FBXL17: variants seen among roughly 807,000 people sequenced by gnomAD.
FBXL17 encodes F-box/LRR-repeat protein 17.
In FBXL17, 22 loss-of-function variants were observed where a neutral mutation model predicts 66.2. That is an observed-to-expected ratio of 0.33 (90% confidence interval 0.24 to 0.47). The LOEUF (loss-of-function observed/expected upper bound fraction) is 0.47, where lower values mean the gene tolerates loss of function less well. Ranked by LOEUF, FBXL17 falls within the 20% of genes least tolerant of loss-of-function variation. The probability of loss-of-function intolerance (pLI) is 1.00; values close to 1 mark genes in which losing one functional copy is unlikely to be tolerated. For synonymous variants in FBXL17, 474 were observed against 400.5 expected (o/e 1.18, Z -2.19); for missense variants, 878 against 948.2 (o/e 0.93, Z 0.97).
intron 4 of FBXL17, among the ~76,000 whole-genome samples, chr5:108,264,061 A>G (rs936260182): frequency 6.6e-6 from 1 of 151,868 alleles, no homozygotes; most frequent in Non-Finnish European, 1.5e-5. Context: ...CTAAAAATAC[A>G]AAAATTATCT....
rs138682901 is a variant in FBXL17 at position 107,882,243 on chromosome 5, G to A, written c.1823-1064C>T. On this transcript the variant is annotated intron_variant, in intron 7 of 8. Coordinates refer to ENST00000542267, the MANE Select transcript of FBXL17 (RefSeq NM_001163315.3). ...AAAGGTGAATGATAGTTCCCAAAAT[G>A]TGTTGACTAGATGGATAATTTAGAG... 1.4e-3 allele frequency among the ~76,000 whole-genome samples: 213 copies of A among 152,276 alleles called. 2 individuals are homozygous for A. Among genetic ancestry groups the A allele is most frequent in the African/African-American group, 4.9e-3 (204 of 41,552 alleles).
At chr5:107,974,427 A>G (rs1156862289) in intron 7 of FBXL17, among the ~76,000 whole-genome samples, 1 of 152,172 alleles carries the variant, frequency 6.6e-6, no homozygotes, top group Non-Finnish European at 1.5e-5. Flanking sequence ...CTTAATACTT[A>G]TAAAGACTTT....
intron 7 of FBXL17, among the ~76,000 whole-genome samples, chr5:108,014,770 T>A (rs1181736639): frequency 1.3e-5 from 2 of 152,150 alleles, no homozygotes; most frequent in Non-Finnish European, 2.9e-5. Context: ...ACATACCCCA[T>A]ACTAGGTAAT....
intron 6 of FBXL17, among the ~76,000 whole-genome samples, chr5:108,092,054 A>G (rs1749206478): frequency 6.6e-6 from 1 of 152,152 alleles, no homozygotes; most frequent in Non-Finnish European, 1.5e-5. Context: ...GCTGTCCTGT[A>G]ATCTGCCAGG....
chr5:108,163,558 G>A (rs1420707384), intron 6 of FBXL17, among the ~76,000 whole-genome samples: 4 of 151,990 alleles, frequency 2.6e-5, no homozygotes, highest in South Asian at 2.1e-4. Flanking sequence ...CCGCCACTAC[G>A]TCTGGCTAAT....
intron 4 of FBXL17, among the ~76,000 whole-genome samples, chr5:108,300,233 AT>A (rs1448535808): frequency 2.0e-5 from 3 of 151,992 alleles, no homozygotes; most frequent in African/African-American, 7.2e-5. Context: ...TGATTAAAAA[AT>A]ATAGCATCGA....
chr5:108,308,646 G>A lies in FBXL17; in HGVS notation c.1506+39753C>T, dbSNP rs184849133. Among the ~76,000 whole-genome samples the A allele has an allele frequency of 1.7e-4, 26 of 152,272 alleles. 1 individual carries two copies. In the East Asian group the frequency reaches 5.0e-3, roughly 29 times the overall value. ...GCTTAATTACTAAGAGAATCTGAAT[G>A]AGCACTGTGACACATCAGGTTGCTG... is the stretch of plus-strand genomic sequence containing the variant. On this transcript the variant is annotated intron_variant, in intron 4 of 8. Transcript: ENST00000542267.
At chr5:107,961,453 C>T (rs1751906852) in intron 7 of FBXL17, among the ~76,000 whole-genome samples, 1 of 152,000 alleles carries the variant, frequency 6.6e-6, no homozygotes, top group African/African-American at 2.4e-5. Flanking sequence ...GACTCTAACT[C>T]CTAGGCTCAA....
In FBXL17 at chr5:107,876,853, G is replaced by A. The variant is rs181402537; in HGVS notation, c.1965+4184C>T. On this transcript the variant is annotated intron_variant, in intron 8 of 8. Coordinates refer to ENST00000542267, the MANE Select transcript of FBXL17 (RefSeq NM_001163315.3). ...AAAAATAATTTCTACGACCAAAGCC[G>A]CTGTTTATAATTGCGGAAAACAGAG... 2.1e-3 allele frequency among the ~76,000 whole-genome samples: 326 copies of A among 152,268 alleles called. 3 individuals are homozygous for A. The highest frequency in any genetic ancestry group is 0.017 in the Admixed American group (259 of 15,298).
chr5:108,332,497 G>C (rs1165831957), intron 4 of FBXL17, among the ~76,000 whole-genome samples: 1 of 152,106 alleles, frequency 6.6e-6, no homozygotes, highest in African/African-American at 2.4e-5. Context: ...GGAATTACCT[G>C]AGAAAACCAA....
intron 6 of FBXL17, among the ~76,000 whole-genome samples, chr5:108,099,568 G>C (rs1313824559): frequency 6.6e-6 from 1 of 152,182 alleles, no homozygotes; most frequent in Non-Finnish European, 1.5e-5. Context: ...TTTGGGTAGA[G>C]AAGGGACTAG....
At chr5:108,217,081 T>C (rs1487265997) in intron 5 of FBXL17, among the ~76,000 whole-genome samples, 3 of 152,150 alleles carry the variant, frequency 2.0e-5, no homozygotes, top group Non-Finnish European at 4.4e-5. Context: ...CTCAGCCCGA[T>C]TGTTCCCAGG....
At chr5:107,934,684 T>C (rs1750841696) in intron 7 of FBXL17, among the ~76,000 whole-genome samples, 1 of 152,090 alleles carries the variant, frequency 6.6e-6, no homozygotes, top group African/African-American at 2.4e-5. Context: ...AAGTCCTTAT[T>C]GGGGGCTGGT....
chr5:107,979,190 T>A (rs1008126630), intron 7 of FBXL17, among the ~76,000 whole-genome samples: 2 of 152,192 alleles, frequency 1.3e-5, no homozygotes, highest in Non-Finnish European at 2.9e-5. Flanking sequence ...AATATATACA[T>A]GTCTCCTTGG....
intron 7 of FBXL17, among the ~76,000 whole-genome samples, chr5:108,019,937 A>G (rs942721406): frequency 6.6e-6 from 1 of 151,858 alleles, no homozygotes; most frequent in Non-Finnish European, 1.5e-5. Flanking sequence ...ATGTAAAAAA[A>G]AAATTAGATT....
chr5:108,032,240 T>A (rs1746669527), intron 6 of FBXL17, among the ~76,000 whole-genome samples: 1 of 152,164 alleles, frequency 6.6e-6, no homozygotes. Flanking sequence ...CAAGTCCATT[T>A]TTTTTTATTT....
At chr5:108,136,715 A>AG (rs1310457563) in intron 6 of FBXL17, among the ~76,000 whole-genome samples, 4 of 152,302 alleles carry the variant, frequency 2.6e-5, no homozygotes, top group East Asian at 3.9e-4. Context: ...GCAAAAACTT[A>AG]GAGAGCTTGG....
intron 6 of FBXL17, among the ~76,000 whole-genome samples, chr5:108,155,013 G>C (rs1277488218): frequency 6.6e-6 from 1 of 151,960 alleles, no homozygotes; most frequent in African/African-American, 2.4e-5. Flanking sequence ...CTAACTACCA[G>C]TAAAATTAAT....
chr5:108,054,195 A>T (rs897204596), intron 6 of FBXL17, among the ~76,000 whole-genome samples: 14 of 152,204 alleles, frequency 9.2e-5, no homozygotes, highest in Middle Eastern at 3.4e-3. Context: ...CCTGTGTAAC[A>T]AACCTGCACA....
Sources: gnomAD v4.1 joint callset for allele counts (sites outside exome capture counted in the v4.1 genomes callset) on GRCh38, gnomAD v4.1.1 for gene constraint, MANE v1.5 for transcripts, NCBI Gene and HGNC (gene_info 2026-07-23, HGNC 2026-07-21) for gene names.